The following NRXN3 variants were observed in gnomAD, a reference collection of about 807,000 sequenced individuals.
The protein encoded by NRXN3 is neurexin 3.
NRXN3 carries 32 observed loss-of-function variants against 137.6 expected under a neutral mutation model. The ratio of observed to expected loss-of-function variants is 0.23; its 90% CI spans 0.18 to 0.31. The LOEUF (loss-of-function observed/expected upper bound fraction) is 0.31. Ranked by LOEUF, NRXN3 falls within the 10% of genes least tolerant of loss-of-function variation. The pLI is 1.00. For synonymous variants in NRXN3, 798 were observed against 784.5 expected (o/e 1.02, Z -0.29); for missense variants, 1,574 against 2,062.5 (o/e 0.76, Z 4.59).
At chr14:78,232,976 T>G (rs897887498) in intron 1 of NRXN3, among the ~76,000 whole-genome samples, 1 of 152,096 alleles carries the variant, frequency 6.6e-6, no homozygotes, top group East Asian at 1.9e-4. Flanking sequence ...AGTTCTTTGG[T>G]GTGTGAGAGA....
At chr14:79,658,015 A>G (rs1036427821) in intron 16 of NRXN3, among the ~76,000 whole-genome samples, 1 of 152,176 alleles carries the variant, frequency 6.6e-6, no homozygotes, top group African/African-American at 2.4e-5. Context: ...TCATGTTAGG[A>G]TACTTACATT....
intron 4 of NRXN3, among the ~76,000 whole-genome samples, chr14:78,470,943 C>A (rs1599090705): frequency 6.6e-6 from 1 of 152,086 alleles, no homozygotes; most frequent in South Asian, 2.1e-4. Flanking sequence ...CAAAACCAAC[C>A]CTGGAACTCA....
At chr14:78,878,729 A>G (rs2099119929) in intron 10 of NRXN3, among the ~76,000 whole-genome samples, 1 of 152,100 alleles carries the variant, frequency 6.6e-6, no homozygotes, top group African/African-American at 2.4e-5. Context: ...TCTCTTTGCA[A>G]TTTTCAAGTA....
chr14:79,700,433 C>A (rs578019874), intron 19 of NRXN3, among the ~76,000 whole-genome samples: 1 of 152,054 alleles, frequency 6.6e-6, no homozygotes, highest in Admixed American at 6.6e-5. Context: ...TACCACTGTT[C>A]TGTCCTCTTT....
At chr14:78,416,494 G>A (rs141493021) in intron 4 of NRXN3, among the ~76,000 whole-genome samples, 2 of 152,324 alleles carry the variant, frequency 1.3e-5, no homozygotes, top group East Asian at 1.9e-4. Flanking sequence ...TTGATCTAGA[G>A]TTGTCAGATG....
At chr14:79,369,496 G>A (rs1206808513) in intron 15 of NRXN3, among the ~76,000 whole-genome samples, 2 of 152,176 alleles carry the variant, frequency 1.3e-5, no homozygotes, top group Non-Finnish European at 2.9e-5. Flanking sequence ...CATATTCACA[G>A]AAAGGCAAAG....
intron 4 of NRXN3, among the ~76,000 whole-genome samples, chr14:78,363,003 T>C (rs1160316097): frequency 6.6e-6 from 1 of 152,172 alleles, no homozygotes; most frequent in Non-Finnish European, 1.5e-5. Context: ...GTCCTCTTTG[T>C]TGATAAAGAA....
intron 16 of NRXN3, among the ~76,000 whole-genome samples, chr14:79,631,338 G>T (rs917199879): frequency 2.0e-5 from 3 of 152,402 alleles, no homozygotes; most frequent in Admixed American, 6.5e-5. Context: ...CGCCTCCTCG[G>T]CCTCAGCGTC....
At chr14:79,046,615 T>C (rs1015859706) in intron 15 of NRXN3, among the ~76,000 whole-genome samples, 4 of 152,292 alleles carry the variant, frequency 2.6e-5, no homozygotes, top group Non-Finnish European at 5.9e-5. Context: ...GCAAAAAACA[T>C]GAGACTTTCA....
At chr14:79,811,509 C>G (rs1848594188) in intron 20 of NRXN3, among the ~76,000 whole-genome samples, 1 of 151,780 alleles carries the variant, frequency 6.6e-6, no homozygotes, top group Non-Finnish European at 1.5e-5. Context: ...TATAATGTTC[C>G]AGATTAATGA....
In NRXN3 at chr14:78,676,472, T is replaced by A. The variant is rs113619770; in HGVS notation, c.1221+25146T>A. 8.5e-3 allele frequency among the ~76,000 whole-genome samples: 1,295 copies of A among 152,226 alleles called. 11 individuals carry two copies. The highest frequency in any genetic ancestry group is 0.011 in the African/African-American group (446 of 41,556). ...CTAATCCAGAGCAATGCCCTAATGC[T>A]TGAGTTTTATGAAGGCTGAGAGAGG... On this transcript the variant is annotated intron_variant, in intron 6 of 20. Transcript: ENST00000335750.
chr14:79,039,418 C>T (rs10136667), intron 15 of NRXN3, among the ~76,000 whole-genome samples: 7,561 of 152,092 alleles, frequency 0.05, 688 homozygotes, highest in African/African-American at 0.17. Flanking sequence ...CCCCTTATTT[C>T]CTTTTCTTTC....
chr14:78,588,617 A>G (rs902699242), intron 4 of NRXN3, among the ~76,000 whole-genome samples: 1 of 152,248 alleles, frequency 6.6e-6, no homozygotes, highest in African/African-American at 2.4e-5. Flanking sequence ...ACTATAAATC[A>G]GTACGATAAT....
At chr14:79,206,969 G>A (rs772861878) in intron 15 of NRXN3, among the ~76,000 whole-genome samples, 2 of 152,086 alleles carry the variant, frequency 1.3e-5, no homozygotes, top group African/African-American at 4.8e-5. Flanking sequence ...TTTTCCTACC[G>A]GATCAAGTTA....
chr14:78,655,098 A>C (rs1269043086), intron 6 of NRXN3, among the ~76,000 whole-genome samples: 3 of 152,228 alleles, frequency 2.0e-5, no homozygotes, highest in Non-Finnish European at 4.4e-5. Flanking sequence ...AATGAAAAGA[A>C]TACTGGGCTT....
At chr14:78,522,501 A>G (rs1319109722) in intron 4 of NRXN3, among the ~76,000 whole-genome samples, 3 of 152,232 alleles carry the variant, frequency 2.0e-5, no homozygotes, top group African/African-American at 7.2e-5. Flanking sequence ...TACAATTAAA[A>G]TAATTCCTGG....
intron 16 of NRXN3, among the ~76,000 whole-genome samples, chr14:79,514,618 T>G (rs2096964701): frequency 6.6e-6 from 1 of 152,214 alleles, no homozygotes; most frequent in African/African-American, 2.4e-5. Flanking sequence ...TGTTAATATA[T>G]GAATTTAATC....
chr14:79,754,945 A>G (rs1011144252), intron 19 of NRXN3, among the ~76,000 whole-genome samples: 5 of 151,912 alleles, frequency 3.3e-5, no homozygotes, highest in Non-Finnish European at 7.4e-5. Context: ...CTTTCCCTTC[A>G]TCTTCTGCCA....
At chr14:78,762,000 C>T (rs1425902142) in intron 8 of NRXN3, among the ~76,000 whole-genome samples, 1 of 152,126 alleles carries the variant, frequency 6.6e-6, no homozygotes, top group African/African-American at 2.4e-5. Context: ...GAAATTGAGG[C>T]TCAGATGGAT....
Sources: allele counts gnomAD v4.1 joint callset (sites outside exome capture counted in the v4.1 genomes callset), GRCh38; gene constraint gnomAD v4.1.1; transcripts MANE v1.5; gene names NCBI Gene and HGNC (gene_info 2026-07-23, HGNC 2026-07-21).